The following MITF variants were observed in gnomAD, a reference collection of about 807,000 sequenced individuals.
MITF encodes the protein microphthalmia-associated transcription factor.
MITF carries 17 observed loss-of-function variants against 60.5 expected under a neutral mutation model. The ratio of observed to expected loss-of-function variants is 0.28; its 90% CI spans 0.19 to 0.42. MITF has a LOEUF of 0.42. Among genes scored for constraint, MITF ranks in the 10% least tolerant of loss-of-function variants. The pLI is 1.00. For missense variants in MITF, 622 were observed against 683.5 expected (o/e 0.91, Z 1.00); for synonymous variants, 260 against 248.5 (o/e 1.05, Z -0.43).
At chr3:69,851,103 A>G (rs2107177609) in intron 1 of MITF, among the ~76,000 whole-genome samples, 1 of 152,332 alleles carries the variant, frequency 6.6e-6, no homozygotes, top group Non-Finnish European at 1.5e-5. Context: ...TCACATTGGC[A>G]AGAAGGAACC....
intron 1 of MITF, among the ~76,000 whole-genome samples, chr3:69,799,287 C>T (rs928989227): frequency 2.0e-5 from 3 of 151,602 alleles, no homozygotes; most frequent in Non-Finnish European, 4.4e-5. Flanking sequence ...TGCAGGAGGA[C>T]GAATGGTTAA....
intron 2 of MITF, among the ~76,000 whole-genome samples, chr3:69,933,029 A>G (rs2065757049): frequency 6.6e-6 from 1 of 152,042 alleles, no homozygotes; most frequent in Non-Finnish European, 1.5e-5. Context: ...AAAAATATAT[A>G]TATATAAAGC....
chr3:69,909,310 G>T (rs2065171890), intron 2 of MITF, among the ~76,000 whole-genome samples: 1 of 152,192 alleles, frequency 6.6e-6, no homozygotes, highest in Admixed American at 6.5e-5. Context: ...TCCCAGCCAT[G>T]TGGAACTGTA....
chr3:69,894,375 C>T (rs2064826615), intron 2 of MITF, among the ~76,000 whole-genome samples: 1 of 152,114 alleles, frequency 6.6e-6, no homozygotes, highest in South Asian at 2.1e-4. Flanking sequence ...ATGATATGTC[C>T]ATTTAATTTT....
At chr3:69,798,058 G>A (rs1203381827) in intron 1 of MITF, among the ~76,000 whole-genome samples, 1 of 152,210 alleles carries the variant, frequency 6.6e-6, no homozygotes, top group Non-Finnish European at 1.5e-5. Flanking sequence ...TCCCAGTACT[G>A]TGACTCTGAG....
At chr3:69,820,284 A>G (rs2063247972) in intron 1 of MITF, among the ~76,000 whole-genome samples, 1 of 152,128 alleles carries the variant, frequency 6.6e-6, no homozygotes, top group South Asian at 2.1e-4. Context: ...TTGTATTTCT[A>G]TTAGACGGTG....
chr3:69,835,804 C>T (rs1036140117), intron 1 of MITF, among the ~76,000 whole-genome samples: 3 of 152,036 alleles, frequency 2.0e-5, no homozygotes, highest in African/African-American at 7.3e-5. Flanking sequence ...TAATTTATTT[C>T]TGGGTTCTCT....
At chr3:69,831,296 G>A (rs1199095257) in intron 1 of MITF, among the ~76,000 whole-genome samples, 2 of 152,242 alleles carry the variant, frequency 1.3e-5, no homozygotes, top group East Asian at 3.9e-4. Context: ...ACATGGAGTA[G>A]GGCACTAGCA....
chr3:69,964,830 C>G lies in MITF; in HGVS notation c.1180-17C>G, dbSNP rs752976049. ...TGCTCTGCCTATTTCAGTGTTTTAT[C>G]TTTACTCTTATTATAGGAACTTGAA... is the stretch of plus-strand genomic sequence containing the variant. On this transcript the variant is annotated splice_polypyrimidine_tract_variant and intron_variant, in intron 9 of 9. Coordinates refer to ENST00000352241, the MANE Select transcript of MITF (RefSeq NM_001354604.2). 42 of 1,613,388 alleles carry G rather than the reference C, an allele frequency of 2.6e-5. No homozygotes were observed. Among genetic ancestry groups the G allele is most frequent in the Non-Finnish European group, 3.3e-5 (39 of 1,179,612 alleles).
chr3:69,939,150 T>C lies in MITF; in HGVS notation c.635T>C (p.Met212Thr). The C allele has an allele frequency of 6.2e-7, 1 of 1,614,090 alleles. No individual in the cohort carries two copies. Among genetic ancestry groups the C allele is most frequent in the Non-Finnish European group, 8.5e-7 (1 of 1,180,002 alleles). The change falls in exon 4 of 10, where the codon ATG becomes ACG. Residue 212 changes from methionine (M) to threonine (T), a missense_variant. Physicochemically the swap from Met to Thr is moderately conservative, Grantham distance 81. Transcript: ENST00000352241. Reference protein sequence around the residue: ...QNRAESECPGMNTHSRASCMQ... With the variant: ...QNRAESECPGTNTHSRASCMQ... ...AGGGCAGAGAGCGAGTGCCCAGGCA[T>C]GAACACACATTCACGAGCGTCCTGT...
intron 1 of MITF, among the ~76,000 whole-genome samples, chr3:69,772,200 C>T (rs1215704919): frequency 6.6e-6 from 1 of 152,096 alleles, no homozygotes; most frequent in Non-Finnish European, 1.5e-5. Context: ...CCTTGATGGC[C>T]AGGCCAAATA....
chr3:69,800,421 CAT>C (rs1336946777), intron 1 of MITF, among the ~76,000 whole-genome samples: 2 of 152,114 alleles, frequency 1.3e-5, no homozygotes, highest in African/African-American at 4.8e-5. Flanking sequence ...TTTGTGTGAA[CAT>C]ATGTTTTCAG....
In MITF at chr3:69,959,325, C is replaced by T. The variant is rs1057517966; in HGVS notation, c.1084C>T (p.Arg362Ter). ...TILKASVDYI[R>*]KLQREQQRAK... ...CTTAAAAGCATCCGTGGACTATATC[C>T]GAAAGTTGCAACGAGAACAGCAACG... The change falls in exon 9 of 10, where the codon CGA (arginine) becomes TGA (stop). Residue 362 changes from arginine to a stop codon, truncating the protein, a stop_gained. Transcript: ENST00000352241. LOFTEE classifies it high-confidence loss of function. The T allele has an allele frequency of 6.2e-7, 1 of 1,614,026 alleles. No homozygotes were observed. Among genetic ancestry groups the T allele is most frequent in the South Asian group, 1.1e-5 (1 of 91,084 alleles).
chr3:69,855,930 A>G (rs1005008723), intron 1 of MITF, among the ~76,000 whole-genome samples: 3 of 152,170 alleles, frequency 2.0e-5, no homozygotes, highest in African/African-American at 7.2e-5. Context: ...CAAACGCAGC[A>G]TGTAACTTCC....
intron 2 of MITF, among the ~76,000 whole-genome samples, chr3:69,916,558 A>G (rs2065339842): frequency 6.6e-6 from 1 of 152,210 alleles, no homozygotes; most frequent in Non-Finnish European, 1.5e-5. Context: ...AAAATTTTAA[A>G]CATTTTATGT....
At chr3:69,750,952 T>A (rs1311608588) in intron 1 of MITF, among the ~76,000 whole-genome samples, 1 of 152,148 alleles carries the variant, frequency 6.6e-6, no homozygotes, top group Non-Finnish European at 1.5e-5. Flanking sequence ...AGTCTAAAGA[T>A]GGGGCTAACC....
At chr3:69,794,681 A>C (rs923610390) in intron 1 of MITF, among the ~76,000 whole-genome samples, 3 of 152,206 alleles carry the variant, frequency 2.0e-5, no homozygotes, top group African/African-American at 7.2e-5. Flanking sequence ...TTATACATAG[A>C]TACACATCCA....
chr3:69,954,107 A>C (rs2066337519), intron 7 of MITF, among the ~76,000 whole-genome samples: 1 of 152,192 alleles, frequency 6.6e-6, no homozygotes, highest in African/African-American at 2.4e-5. Context: ...ATGATTGGAA[A>C]GGGAAGTCAT....
At chr3:69,775,541 G>A (rs1226209589) in intron 1 of MITF, among the ~76,000 whole-genome samples, 1 of 152,086 alleles carries the variant, frequency 6.6e-6, no homozygotes, top group African/African-American at 2.4e-5. Context: ...TTCTTTAATT[G>A]GTATAGGCTT....
Sources: gnomAD v4.1 joint callset for allele counts (sites outside exome capture counted in the v4.1 genomes callset) on GRCh38, gnomAD v4.1.1 for gene constraint, MANE v1.5 for transcripts, NCBI Gene and HGNC (gene_info 2026-07-23, HGNC 2026-07-21) for gene names.